The following FRMPD3 variants were observed in gnomAD, a reference collection of about 807,000 sequenced individuals.
FRMPD3 encodes the protein FERM and PDZ domain-containing protein 3.
In FRMPD3, 42 loss-of-function variants were observed where a neutral mutation model predicts 97.9. The ratio of observed to expected loss-of-function variants is 0.43; its 90% confidence interval spans 0.34 to 0.55. The LOEUF (loss-of-function observed/expected upper bound fraction) is 0.55. Ranked by LOEUF, FRMPD3 falls within the 20% of genes least tolerant of loss-of-function variation. The pLI is 0.03. For synonymous variants in FRMPD3, 577 were observed against 581.1 expected, an observed-to-expected ratio of 0.99 and a Z score of 0.10; for missense variants, 1,303 against 1,457.7, an observed-to-expected ratio of 0.89 and a Z score of 1.73.
intron 1 of FRMPD3, among the ~76,000 whole-genome samples, chrX:107,478,841 A>C (rs1297864949): frequency 5.4e-5 from 6 of 111,990 alleles, no homozygotes; most frequent in African/African-American, 1.9e-4. Flanking sequence ...CAGCTCAAAC[A>C]TGTGAGGGGC....
At position 107,527,599 on chromosome X, in the gene FRMPD3, G is replaced by A. The variant is rs183123839; in HGVS notation, c.148+863G>A. On this transcript the variant is annotated intron_variant, in intron 2 of 14. Transcript: ENST00000683843. ...ATGAATGAAATGGAAAAAGACTGAA[G>A]TACTGTTTTGTTTCGAATCTGCTAG... Among the ~76,000 whole-genome samples the A allele has an allele frequency of 1.1e-3, 120 of 112,137 alleles. 1 individual carries two copies. The highest frequency in any genetic ancestry group is 1.5e-3 in the Admixed American group (16 of 10,588).
chrX:107,585,625 A>G, intron 13 of FRMPD3, among the ~76,000 whole-genome samples: 1 of 111,935 alleles, frequency 8.9e-6, no homozygotes, highest in Admixed American at 9.5e-5. Context: ...ATCAATACCT[A>G]GTCTGTTGAG....
At chrX:107,526,058 A>G (rs1231979981) in intron 1 of FRMPD3, among the ~76,000 whole-genome samples, 3 of 111,315 alleles carry the variant, frequency 2.7e-5, no homozygotes, top group Non-Finnish European at 5.7e-5. Context: ...CCTGGGTGAC[A>G]GAGTGAGACT....
At chrX:107,451,105 G>A (rs1445842656) in intron 1 of FRMPD3, among the ~76,000 whole-genome samples, 6 of 111,957 alleles carry the variant, frequency 5.4e-5, no homozygotes, top group Non-Finnish European at 1.9e-5. Flanking sequence ...CTCCACCCTT[G>A]CAGCTGCAAC....
intron 1 of FRMPD3, among the ~76,000 whole-genome samples, chrX:107,521,588 T>A (rs1922508878): frequency 8.9e-6 from 1 of 112,788 alleles, no homozygotes; most frequent in African/African-American, 3.2e-5. Flanking sequence ...ACAGAGCAGC[T>A]ACTTCACAGC....
chrX:107,553,316 A>G (rs193038091), intron 7 of FRMPD3, among the ~76,000 whole-genome samples: 114 of 107,082 alleles, frequency 1.1e-3, no homozygotes, highest in African/African-American at 3.5e-3. Flanking sequence ...GATCCTACTC[A>G]GCCAATTCCC....
chrX:107,597,129 A>T (rs1053681778), intron 13 of FRMPD3, among the ~76,000 whole-genome samples, 192 bp from the exon 14 acceptor site: 1 of 111,096 alleles, frequency 9.0e-6, no homozygotes, highest in Non-Finnish European at 1.9e-5. Context: ...GACTCTATTC[A>T]CTCTACTTTC....
chrX:107,462,432 G>A (rs1234866604), intron 1 of FRMPD3, among the ~76,000 whole-genome samples: 7 of 111,924 alleles, frequency 6.3e-5, no homozygotes, highest in Admixed American at 1.9e-4. Context: ...TGTATCTTCC[G>A]CACCCTCCAC....
chrX:107,533,407 C>T (rs1345347879), intron 3 of FRMPD3, 98 bp from the exon 4 acceptor site: 29 of 751,569 alleles, frequency 3.9e-5, no homozygotes, highest in Non-Finnish European at 5.6e-5. Flanking sequence ...ATCCATATAC[C>T]TGAATAAAGC....
At chrX:107,514,289 G>C (rs1223054824) in intron 1 of FRMPD3, among the ~76,000 whole-genome samples, 2 of 111,611 alleles carry the variant, frequency 1.8e-5, no homozygotes. Context: ...TTATTCGCTT[G>C]CAGTAGGAAA....
chrX:107,554,025 C>A (rs181915635), intron 7 of FRMPD3, among the ~76,000 whole-genome samples: 11 of 111,180 alleles, frequency 9.9e-5, no homozygotes, highest in Non-Finnish European at 1.9e-4. Context: ...GAGGCTGAGC[C>A]CCTCTGTAAG....
At chrX:107,502,502 C>T (rs779804100) in intron 1 of FRMPD3, among the ~76,000 whole-genome samples, 6 of 111,117 alleles carry the variant, frequency 5.4e-5, no homozygotes, top group African/African-American at 2.0e-4. Context: ...CTGAGGGTCA[C>T]CAGGGCAGCT....
Position 107,598,073 on chromosome X carries a change from A to G in FRMPD3, c.2194A>G (p.Thr732Ala). The G allele has an allele frequency of 2.5e-6, 3 of 1,210,362 alleles. No homozygotes were observed. Among genetic ancestry groups the G allele is most frequent in the Non-Finnish European group, 3.4e-6 (3 of 895,253 alleles). Residue 732 changes from threonine to alanine, a missense_variant, in exon 14 of 15, where the codon ACT (threonine) becomes GCT (alanine). Around this residue, in one of 3 missense-constraint regions of FRMPD3, gnomAD observed 535 missense variants for 618.6 expected, o/e 0.86. Coordinates refer to ENST00000683843, the MANE Select transcript of FRMPD3 (RefSeq NM_001388459.1). ...AQELDDALVS[T>A]LQALEALAAS... is the part of the protein sequence containing the mutation. ...GGAGCTAGATGATGCCCTGGTGTCC[A>G]CTCTGCAGGCTCTAGAAGCCCTGGC...
intron 1 of FRMPD3, among the ~76,000 whole-genome samples, chrX:107,526,105 A>T (rs1424391450): frequency 9.0e-6 from 1 of 111,527 alleles, no homozygotes; most frequent in Non-Finnish European, 1.9e-5. Context: ...AAAAAAATTT[A>T]AAATATTGCA....
intron 13 of FRMPD3, among the ~76,000 whole-genome samples, chrX:107,581,761 T>C (rs1602845574): frequency 8.9e-6 from 1 of 111,843 alleles, no homozygotes; most frequent in East Asian, 2.8e-4. Context: ...ATAAAATATA[T>C]GGTCTTTTGT....
At chrX:107,515,946 A>G (rs1922309954) in intron 1 of FRMPD3, among the ~76,000 whole-genome samples, 1 of 110,462 alleles carries the variant, frequency 9.1e-6, no homozygotes, top group Middle Eastern at 4.7e-3. Context: ...ACATATGTAT[A>G]CATGTGCCAT....
At chrX:107,590,757 T>C (rs895344801) in intron 13 of FRMPD3, among the ~76,000 whole-genome samples, 2 of 112,882 alleles carry the variant, frequency 1.8e-5, no homozygotes, top group Admixed American at 1.9e-4. Flanking sequence ...TGCTGGGTCA[T>C]GGTGTATAAT....
At chrX:107,462,919 A>T (rs1931500746) in intron 1 of FRMPD3, among the ~76,000 whole-genome samples, 1 of 111,104 alleles carries the variant, frequency 9.0e-6, no homozygotes, top group Non-Finnish European at 1.9e-5. Flanking sequence ...TCTCCTCAAA[A>T]ACTGAATTTC....
intron 3 of FRMPD3, 99 bp downstream of exon 3, chrX:107,530,610 A>G (rs1055472056): frequency 5.4e-5 from 33 of 612,380 alleles, no homozygotes; most frequent in Non-Finnish European, 8.1e-5. Flanking sequence ...TGAGAGCAGA[A>G]TCCTTCCAGG....
Sources: allele counts gnomAD v4.1 joint callset (sites outside exome capture counted in the v4.1 genomes callset), GRCh38; gene constraint gnomAD v4.1.1; regional missense constraint gnomAD v4.1.1; transcripts MANE v1.5; gene names NCBI Gene and HGNC (gene_info 2026-07-23, HGNC 2026-07-21).